The following INPP5D variants were observed in gnomAD, a reference collection of about 807,000 sequenced individuals.
The protein encoded by INPP5D is inositol polyphosphate-5-phosphatase D, also known as phosphatidylinositol 3,4,5-trisphosphate 5-phosphatase 1.
Under a neutral mutation model 122.9 loss-of-function variants are expected in INPP5D, and 33 were observed. That is an observed-to-expected ratio of 0.27 (90% confidence interval 0.20 to 0.36). INPP5D has a LOEUF of 0.36. Among genes scored for constraint, INPP5D ranks in the 10% least tolerant of loss-of-function variants. The pLI, the probability that INPP5D is intolerant of heterozygous loss-of-function variation, is 1.00. For missense variants in INPP5D, 1,053 were observed against 1,412.7 expected (o/e 0.75, Z 4.08); for synonymous variants, 584 against 576.2 (o/e 1.01, Z -0.19).
chr2:233,065,822 T>C (rs1179079446), intron 1 of INPP5D, among the ~76,000 whole-genome samples: 1 of 151,832 alleles, frequency 6.6e-6, no homozygotes. Context: ...AATTTTTGTA[T>C]TTTTAGTAGC....
chr2:233,179,111 G>A (rs1024255107), intron 18 of INPP5D, among the ~76,000 whole-genome samples: 1 of 152,184 alleles, frequency 6.6e-6, no homozygotes, highest in Non-Finnish European at 1.5e-5. Context: ...GTCACTAGAC[G>A]AACTTCACAC....
intron 2 of INPP5D, among the ~76,000 whole-genome samples, chr2:233,116,248 G>GATATAGATATAGATATAGAT (rs138434323): frequency 5.9e-5 from 8 of 135,230 alleles, no homozygotes; most frequent in African/African-American, 2.2e-4. Flanking sequence ...TAGATAGATA[G>GATATAGATATAGATATAGAT]ATAGATATAG....
chr2:233,193,746 A>C, intron 22 of INPP5D, 66 bp from the exon 23 acceptor site: 1 of 1,611,342 alleles, frequency 6.2e-7, no homozygotes. Flanking sequence ...TCTCCGGCCA[A>C]GAGTTTGGTG....
At position 233,164,483 on chromosome 2, in the gene INPP5D, A is replaced by G; in HGVS notation, c.1555+59A>G. On this transcript the variant is annotated intron_variant, in intron 13 of 26. Transcript: ENST00000445964. The surrounding 1 kb of genome is among the most constrained non-coding windows in gnomAD (Gnocchi z 4.3). ...ACCCTCTGCCTCAACTCTCGCGACC[A>G]CATCATCCTGATCCCACCAGTAGTT... The G allele has an allele frequency of 6.7e-7, 1 of 1,486,238 alleles. No individual in the cohort carries two copies. The highest frequency in any genetic ancestry group is 1.3e-5 in the South Asian group (1 of 75,852). 92.1% of individuals were successfully genotyped at this position (1,486,238 alleles called of 1,614,324 possible). A position where few individuals can be genotyped will look rare whatever the true frequency, so the allele number is the denominator to read the frequency against.
rs1038842233 is a variant in INPP5D at position 233,074,234 on chromosome 2, T to A, written c.135-5101T>A. Among the ~76,000 whole-genome samples the A allele has an allele frequency of 5.9e-5, 9 of 151,682 alleles. 1 individual carries two copies. The highest frequency in any genetic ancestry group is 1.0e-4 in the Non-Finnish European group (7 of 67,942). On this transcript the variant is annotated intron_variant, in intron 1 of 26. Coordinates refer to ENST00000445964, the MANE Select transcript of INPP5D (RefSeq NM_001017915.3). Reference sequence around the variant, plus strand: ...CCGGTGGTGGGGCCAGAGATGAGGGTGTGGTGAGACACACAGAGGATGGGC... The same window carrying A: ...CCGGTGGTGGGGCCAGAGATGAGGGAGTGGTGAGACACACAGAGGATGGGC...
Position 233,081,386 on chromosome 2 carries a change from C to T in INPP5D, c.198+1988C>T, listed in dbSNP as rs114474821. ...AAACTCTCTTAAGTTAAAAGTTGGT[C>T]GATGCTTTTGATCTTTTTTCCCTTT... On this transcript the variant is annotated intron_variant, in intron 2 of 26. Transcript: ENST00000445964. 3.3e-5 allele frequency among the ~76,000 whole-genome samples: 5 copies of T among 152,134 alleles called. No individual in the cohort carries two copies. The East Asian group carries it at 5.8e-4, about 18-fold the overall frequency.
chr2:233,073,589 G>T lies in INPP5D; in HGVS notation c.135-5746G>T, dbSNP rs566776414. On this transcript the variant is annotated intron_variant, in intron 1 of 26. Transcript: ENST00000445964. ...TGGGAGGCAGAGGTTGCAGTGAGCC[G>T]AGATCGAGCCATTGCACTCCAGCCT... Among the ~76,000 whole-genome samples, 14 of 140,340 alleles carry T rather than the reference G, an allele frequency of 1.0e-4. No individual in the cohort carries two copies. The East Asian group carries it at 3.0e-3, about 30-fold the overall frequency. The allele number at this position is 140,340 out of a possible 152,430, so 92.1% of individuals were successfully genotyped here. A position where few individuals can be genotyped will look rare whatever the true frequency, so the allele number is the denominator to read the frequency against.
At chr2:233,142,964 T>A (rs1018288808) in intron 6 of INPP5D, among the ~76,000 whole-genome samples, 1 of 151,066 alleles carries the variant, frequency 6.6e-6, no homozygotes, top group African/African-American at 2.4e-5. Context: ...CTGTGACAAC[T>A]GGAAANGTCT....
At chr2:233,062,068 C>A (rs1691092153) in intron 1 of INPP5D, among the ~76,000 whole-genome samples, 1 of 152,180 alleles carries the variant, frequency 6.6e-6, no homozygotes, top group Non-Finnish European at 1.5e-5. Context: ...CAGTGGGGAC[C>A]TGCTGCTGCC....
intron 5 of INPP5D, chr2:233,134,069 G>T (rs940337791): frequency 8.8e-6 from 4 of 455,142 alleles, no homozygotes; most frequent in African/African-American, 2.0e-5. Flanking sequence ...GTGAAGGGAA[G>T]ATGAATCTAG....
At chr2:233,069,090 C>T (rs1009722937) in intron 1 of INPP5D, among the ~76,000 whole-genome samples, 1 of 152,230 alleles carries the variant, frequency 6.6e-6, no homozygotes, top group Non-Finnish European at 1.5e-5. Context: ...ACAGGTGCGG[C>T]AGCACGTGGG....
At chr2:233,085,475 A>AT (rs1459478435) in intron 2 of INPP5D, among the ~76,000 whole-genome samples, 1 of 151,562 alleles carries the variant, frequency 6.6e-6, no homozygotes, top group Non-Finnish European at 1.5e-5. Context: ...GAGGCGACCC[A>AT]TTTTTTTCTT....
intron 2 of INPP5D, among the ~76,000 whole-genome samples, chr2:233,092,681 G>A (rs957925754): frequency 2.6e-5 from 4 of 152,238 alleles, no homozygotes; most frequent in African/African-American, 9.6e-5. Flanking sequence ...TTAATTGCAT[G>A]TGGCAGAAGG....
intron 17 of INPP5D, among the ~76,000 whole-genome samples, chr2:233,173,245 A>G (rs1694538204): frequency 1.3e-5 from 2 of 151,068 alleles, no homozygotes; most frequent in South Asian, 2.1e-4. Context: ...GTACACCTGT[A>G]TAGGGCACTT....
At chr2:233,097,004 T>C (rs1692162350) in intron 2 of INPP5D, among the ~76,000 whole-genome samples, 1 of 152,222 alleles carries the variant, frequency 6.6e-6, no homozygotes, top group South Asian at 2.1e-4. Flanking sequence ...TTTTAATGTG[T>C]TTTTATGTTT....
At chr2:233,145,415 C>T (rs376634660) in intron 6 of INPP5D, 5 of 442,396 alleles carry the variant, frequency 1.1e-5, no homozygotes, top group African/African-American at 4.0e-5. Flanking sequence ...TCTCACGGAG[C>T]CTCCATTCAG....
At chr2:233,171,249 C>CAA (rs368505722) in intron 17 of INPP5D, 97 bp downstream of exon 17, 14 of 1,149,694 alleles carry the variant, frequency 1.2e-5, no homozygotes, top group South Asian at 3.7e-5. Context: ...ATCCATTAGG[C>CAA]AAAAAAAAAA....
chr2:233,064,710 G>C (rs1358026065), intron 1 of INPP5D, among the ~76,000 whole-genome samples: 2 of 152,278 alleles, frequency 1.3e-5, no homozygotes, highest in Admixed American at 6.5e-5. Context: ...GAGACCATAA[G>C]GTGGCCTGTG....
chr2:233,188,754 G>A lies in INPP5D; in HGVS notation c.2359-1096G>A, dbSNP rs149982255. Among the ~76,000 whole-genome samples the A allele has an allele frequency of 5.3e-4, 80 of 152,232 alleles. 1 individual carries two copies. In the East Asian group the frequency reaches 0.015, roughly 29 times the overall value. On this transcript the variant is annotated intron_variant, in intron 21 of 26. Transcript: ENST00000445964. This position sits in a 1 kb window ranked among gnomAD's most constrained non-coding sequence, Gnocchi z 4.7. ...TTTCTGTATTTTTTAGTAGAGACGG[G>A]GTTTCACCATGTTGGCCAGGCTGGT...
Sources: gnomAD v4.1 joint callset for allele counts (sites outside exome capture counted in the v4.1 genomes callset) on GRCh38, gnomAD v4.1.1 for gene constraint, Gnocchi (gnomAD v3.1) non-coding constraint, MANE v1.5 for transcripts, NCBI Gene and HGNC (gene_info 2026-07-23, HGNC 2026-07-21) for gene names.